Variants in SMARCAD1 observed in about 807,000 individuals in gnomAD.
SMARCAD1 encodes the protein SWI/SNF-related matrix-associated actin-dependent regulator of chromatin subfamily A containing DEAD/H box 1.
In SMARCAD1, 25 loss-of-function variants were observed where a neutral mutation model predicts 127.1. The observed-to-expected ratio is 0.20, with a 90% confidence interval of 0.14 to 0.27. The LOEUF is 0.27. SMARCAD1 is among the 10% of genes least tolerant of loss of function. SMARCAD1 has a pLI of 1.00. For missense variants in SMARCAD1, 807 were observed against 1,206.0 expected, an observed-to-expected ratio of 0.67 and a Z score of 4.90; for synonymous variants, 400 against 396.9, an observed-to-expected ratio of 1.01 and a Z score of -0.09.
intron 21 of SMARCAD1, 140 bp downstream of exon 21, chr4:94,281,730 A>G: frequency 1.5e-6 from 1 of 676,668 alleles, no homozygotes; most frequent in Non-Finnish European, 2.6e-6. Context: ...AAATAAGAGT[A>G]ATTTCAATGG....
At chr4:94,246,366 G>A (rs979758880) in intron 6 of SMARCAD1, among the ~76,000 whole-genome samples, 7 of 152,000 alleles carry the variant, frequency 4.6e-5, no homozygotes, top group South Asian at 2.1e-4. Context: ...TGATCCACCC[G>A]CCTCAGCCTC....
At chr4:94,242,081 T>A (rs1420790417) in intron 6 of SMARCAD1, among the ~76,000 whole-genome samples, 6 of 152,086 alleles carry the variant, frequency 3.9e-5, no homozygotes, top group African/African-American at 9.7e-5. Flanking sequence ...TGTCCCAGGC[T>A]GGAGTACAGT....
At chr4:94,275,318 A>G (rs1264936398) in intron 14 of SMARCAD1, among the ~76,000 whole-genome samples, 2 of 152,186 alleles carry the variant, frequency 1.3e-5, no homozygotes, top group Non-Finnish European at 2.9e-5. Flanking sequence ...TAATAAATAC[A>G]ATGAAATTTC....
chr4:94,253,240 G>A, intron 9 of SMARCAD1: 1 of 1,496,528 alleles, frequency 6.7e-7, no homozygotes, highest in Non-Finnish European at 8.9e-7. Context: ...GATTGGCTGG[G>A]AATACTGTCA....
chr4:94,240,302 CACG>C (rs1370738777), intron 5 of SMARCAD1, among the ~76,000 whole-genome samples: 1 of 152,170 alleles, frequency 6.6e-6, no homozygotes, highest in Non-Finnish European at 1.5e-5. Flanking sequence ...TTCTTCCAGT[CACG>C]ACAATATGCA....
rs1754636888 is a variant in SMARCAD1 at position 94,284,528 on chromosome 4, G to A, written c.2910-432G>A. 2.0e-5 allele frequency among the ~76,000 whole-genome samples: 3 copies of A among 149,690 alleles called. No individual in the cohort carries two copies. The South Asian group carries it at 6.3e-4, about 32-fold the overall frequency. On this transcript the variant is annotated intron_variant, in intron 22 of 23. Transcript: ENST00000354268. ...ATTCCCATGCCTTAGCCTCCCAACT[G>A]CTAGGATTACAGGTGTGTGCCACCA... is the stretch of plus-strand genomic sequence containing the variant.
chr4:94,226,400 T>TTA, intron 3 of SMARCAD1, 104 bp downstream of exon 3: 5 of 698,876 alleles, frequency 7.2e-6, no homozygotes, highest in Non-Finnish European at 6.4e-6. Flanking sequence ...TTTTTTTTTT[T>TTA]TCTTTTTTTT....
At position 94,245,511 on chromosome 4, in the gene SMARCAD1, ATTTATTC is replaced by A. The variant is rs1748273792; in HGVS notation, c.706-4137_706-4131del. ...AGGCTGGCAACACCACAGAAATTTT[ATTTATTC>A]TTTATATTTTAAGTTAGTACAGCAG... On this transcript the variant is annotated intron_variant, in intron 6 of 23. Transcript: ENST00000354268. 5.3e-5 allele frequency among the ~76,000 whole-genome samples: 8 copies of A among 152,288 alleles called. No individual in the cohort carries two copies. In the South Asian group the frequency reaches 1.7e-3, roughly 32 times the overall value.
intron 22 of SMARCAD1, among the ~76,000 whole-genome samples, chr4:94,284,326 CAAAAA>C (rs1161926658): frequency 4.2e-3 from 108 of 25,900 alleles, no homozygotes; most frequent in African/African-American, 0.012. Context: ...GACTCCGTCT[CAAAAA>C]AAAAAAAAAA....
chr4:94,233,671 CGT>C (rs1324040533), intron 3 of SMARCAD1, among the ~76,000 whole-genome samples: 1 of 152,134 alleles, frequency 6.6e-6, no homozygotes, highest in Non-Finnish European at 1.5e-5. Context: ...GCAATAAATG[CGT>C]GTGAGTCCTA....
intron 11 of SMARCAD1, 73 bp from the exon 12 acceptor site, chr4:94,273,544 T>G: frequency 8.8e-7 from 1 of 1,132,114 alleles, no homozygotes; most frequent in Non-Finnish European, 1.3e-6. Context: ...ATTACTGCTT[T>G]TTCTTCTGTA....
At chr4:94,238,159 T>A (rs1746995741) in intron 5 of SMARCAD1, among the ~76,000 whole-genome samples, 1 of 152,202 alleles carries the variant, frequency 6.6e-6, no homozygotes, top group Non-Finnish European at 1.5e-5. Flanking sequence ...AGATTCTACA[T>A]AAGATTTTTA....
At chr4:94,255,081 A>G (rs957123139) in intron 9 of SMARCAD1, among the ~76,000 whole-genome samples, 1 of 152,064 alleles carries the variant, frequency 6.6e-6, no homozygotes, top group Non-Finnish European at 1.5e-5. Flanking sequence ...AAGCCAAAAA[A>G]ATTGTTTTGT....
At position 94,289,506 on chromosome 4, in the gene SMARCAD1, C is replaced by T; in HGVS notation, c.3053C>T (p.Thr1018Ile). 6.2e-7 allele frequency: 1 copy of T among 1,613,246 alleles called. No homozygotes were observed. Among genetic ancestry groups the T allele is most frequent in the Non-Finnish European group, 8.5e-7 (1 of 1,179,426 alleles). ...GGGAGTATGCCAGCAGATATAGCCACATTACTAAAAACATCAATGGGCCTG... is the reference window on the plus strand; with the variant it reads ...GGGAGTATGCCAGCAGATATAGCCATATTACTAAAAACATCAATGGGCCTG... ...DEGSMPADIATLLKTSMGL is the reference protein window; with the variant it reads ...DEGSMPADIAILLKTSMGL Residue 1018 changes from threonine (T) to isoleucine (I), a missense_variant, in exon 24 of 24, where the codon ACA (threonine) becomes ATA (isoleucine). Coordinates refer to ENST00000354268, the MANE Select transcript of SMARCAD1 (RefSeq NM_020159.5).
chr4:94,281,027 CATT>C (rs1029754786), intron 20 of SMARCAD1, among the ~76,000 whole-genome samples: 3 of 152,122 alleles, frequency 2.0e-5, no homozygotes, highest in Non-Finnish European at 4.4e-5. Context: ...TCTTAATTGT[CATT>C]ATTTCATAGG....
At chr4:94,261,470 T>C (rs1750970698) in intron 9 of SMARCAD1, among the ~76,000 whole-genome samples, 1 of 152,254 alleles carries the variant, frequency 6.6e-6, no homozygotes, top group Non-Finnish European at 1.5e-5. Context: ...AAAGCATAAC[T>C]ATTATGAATA....
intron 16 of SMARCAD1, 92 bp downstream of exon 16, chr4:94,277,251 G>A: frequency 7.0e-7 from 1 of 1,427,298 alleles, no homozygotes; most frequent in Non-Finnish European, 9.8e-7. Flanking sequence ...TTTTCATAGT[G>A]CATATGCTCT....
At chr4:94,246,827 T>C (rs1231038950) in intron 6 of SMARCAD1, among the ~76,000 whole-genome samples, 2 of 152,194 alleles carry the variant, frequency 1.3e-5, no homozygotes, top group Non-Finnish European at 2.9e-5. Flanking sequence ...CTCTGAAGAC[T>C]GAAGGTATAT....
At chr4:94,255,574 T>C (rs1384111695) in intron 9 of SMARCAD1, among the ~76,000 whole-genome samples, 1 of 151,874 alleles carries the variant, frequency 6.6e-6, no homozygotes, top group East Asian at 1.9e-4. Context: ...ATATATAAAA[T>C]GTAAGTATAA....
Sources: gnomAD v4.1 joint callset for allele counts (sites outside exome capture counted in the v4.1 genomes callset) on GRCh38, gnomAD v4.1.1 for gene constraint, MANE v1.5 for transcripts, NCBI Gene and HGNC (gene_info 2026-07-23, HGNC 2026-07-21) for gene names.